ATF2: variants seen among roughly 807,000 people sequenced by gnomAD.
ATF2 encodes the protein activating transcription factor 2.
A neutral mutation model predicts 60.6 loss-of-function variants in ATF2; 24 were observed. The ratio of observed to expected loss-of-function variants is 0.40; its 90% CI spans 0.29 to 0.56. ATF2 has a LOEUF of 0.56. Among genes scored for constraint, ATF2 ranks in the 20% least tolerant of loss-of-function variants. The probability of loss-of-function intolerance (pLI) is 0.54; values close to 1 mark genes in which losing one functional copy is unlikely to be tolerated. For missense variants in ATF2, 433 were observed against 607.7 expected, an observed-to-expected ratio of 0.71 and a Z score of 3.02; for synonymous variants, 206 against 215.4, an observed-to-expected ratio of 0.96 and a Z score of 0.38.
chr2:175,156,615 T>C (rs1699704798), intron 1 of ATF2, among the ~76,000 whole-genome samples: 1 of 151,800 alleles, frequency 6.6e-6, no homozygotes, highest in Non-Finnish European at 1.5e-5. Context: ...AGACCAGCCC[T>C]TGGCTCATAG....
intron 4 of ATF2, among the ~76,000 whole-genome samples, chr2:175,127,835 C>T (rs764523038): frequency 2.2e-4 from 33 of 152,044 alleles, no homozygotes; most frequent in Non-Finnish European, 4.4e-4. Context: ...CCTGATAACT[C>T]CTATGTTTAC....
At chr2:175,133,281 G>T (rs914110540) in intron 3 of ATF2, among the ~76,000 whole-genome samples, 7 of 152,022 alleles carry the variant, frequency 4.6e-5, no homozygotes, top group African/African-American at 9.7e-5. Context: ...AGACACTGTG[G>T]TATCAGTCCA....
At chr2:175,138,281 T>C (rs191430942) in intron 2 of ATF2, among the ~76,000 whole-genome samples, 4 of 152,346 alleles carry the variant, frequency 2.6e-5, no homozygotes, top group East Asian at 3.9e-4. Flanking sequence ...TGAGTACTTC[T>C]TGCTAGATGC....
intron 1 of ATF2, 125 bp downstream of exon 1, chr2:175,167,925 G>A (rs1200525308): frequency 5.6e-6 from 2 of 359,720 alleles, no homozygotes; most frequent in Non-Finnish European, 1.1e-5. Flanking sequence ...AGCACGTCAG[G>A]AGCACCCGAG....
chr2:175,083,201 C>T (rs372854843), intron 12 of ATF2, among the ~76,000 whole-genome samples: 2 of 151,804 alleles, frequency 1.3e-5, no homozygotes, highest in Non-Finnish European at 1.5e-5. Flanking sequence ...CAATCCTAAG[C>T]CAAAAGAACA....
intron 11 of ATF2, among the ~76,000 whole-genome samples, chr2:175,095,878 C>CA (rs1694902789): frequency 6.6e-6 from 1 of 152,162 alleles, no homozygotes; most frequent in African/African-American, 2.4e-5. Flanking sequence ...GCAGACCACA[C>CA]AAAAACACCC....
chr2:175,152,796 T>C (rs923325225), intron 1 of ATF2, among the ~76,000 whole-genome samples: 1 of 152,184 alleles, frequency 6.6e-6, no homozygotes, highest in African/African-American at 2.4e-5. Context: ...ACCCAAATAG[T>C]ATATTCAGCC....
chr2:175,133,301 A>G (rs547257578), intron 3 of ATF2, among the ~76,000 whole-genome samples: 9 of 152,276 alleles, frequency 5.9e-5, no homozygotes, highest in Admixed American at 4.6e-4. Context: ...AATGATAAAC[A>G]TACAAAGAAA....
Position 175,103,677 on chromosome 2 carries a change from T to TA in ATF2, c.829-6085dup, listed in dbSNP as rs75197426. On this transcript the variant is annotated intron_variant, in intron 10 of 13. Coordinates refer to ENST00000264110, the MANE Select transcript of ATF2 (RefSeq NM_001880.4). ...ATATTTCTCAGTTTGTCACACATCT[T>TA]AAAAAAAAAAAAAAAAAAGATTCTG... 9.7e-3 allele frequency among the ~76,000 whole-genome samples: 1,255 copies of TA among 129,872 alleles called. 8 individuals are homozygous for TA. Among genetic ancestry groups the TA allele is most frequent in the South Asian group, 0.013 (52 of 3,972 alleles). 85.2% of individuals were successfully genotyped at this position (129,872 alleles called of 152,430 possible).
chr2:175,130,274 C>A (rs1394148064), intron 3 of ATF2, 67 bp from the exon 4 acceptor site: 2 of 1,076,998 alleles, frequency 1.9e-6, no homozygotes, highest in East Asian at 2.9e-5. Flanking sequence ...AAATATAAAT[C>A]TCAAGATTTT....
In ATF2 at chr2:175,093,226, A is replaced by G; in HGVS notation, c.1020T>C (p.Ser340=). 2 of 1,614,040 alleles carry G rather than the reference A, an allele frequency of 1.2e-6. No individual in the cohort carries two copies. The highest frequency in any genetic ancestry group is 2.7e-5 in the African/African-American group (2 of 75,028). ...CGTTAGCTGCTCTTCTCCGACGACC[A>G]CTTGTACTTTGGGTCTGTGGAGTTG... ...AHTTPQTQST[S]GRRRRAANED... is the part of the protein sequence containing the mutation. The change falls in exon 12 of 14, where the codon AGT becomes AGC. Residue 340 remains serine (S), a synonymous_variant. Coordinates refer to ENST00000264110, the MANE Select transcript of ATF2 (RefSeq NM_001880.4).
chr2:175,160,894 T>C (rs1699986612), intron 1 of ATF2, among the ~76,000 whole-genome samples: 1 of 151,950 alleles, frequency 6.6e-6, no homozygotes, highest in South Asian at 2.1e-4. Flanking sequence ...AAAAACTAGC[T>C]GAGTGTGGTG....
chr2:175,116,774 T>G (rs1696603124), intron 7 of ATF2, among the ~76,000 whole-genome samples: 1 of 151,956 alleles, frequency 6.6e-6, no homozygotes, highest in Non-Finnish European at 1.5e-5. Context: ...GAAAAACTGT[T>G]AAGTGTGAAA....
chr2:175,088,872 T>C (rs1219935229), intron 12 of ATF2, among the ~76,000 whole-genome samples: 2 of 152,008 alleles, frequency 1.3e-5, no homozygotes, highest in Admixed American at 1.3e-4. Context: ...ATTAACAAAA[T>C]AGATATTACT....
At chr2:175,119,659 C>T (rs1396483066) in intron 5 of ATF2, among the ~76,000 whole-genome samples, 1 of 151,422 alleles carries the variant, frequency 6.6e-6, no homozygotes, top group East Asian at 1.9e-4. Flanking sequence ...TTAATTCCCA[C>T]CTCCCAAAAG....
chr2:175,132,053 A>G lies in ATF2; in HGVS notation c.33-1846T>C, dbSNP rs10181030. On this transcript the variant is annotated intron_variant, in intron 3 of 13. Transcript: ENST00000264110. ...GAGTATAACACAGCTGAATTCTCCT[A>G]TGTGCTTCTGGTATTCAACCTGTTG... Among the ~76,000 whole-genome samples the G allele has an allele frequency of 1.8e-3, 268 of 152,308 alleles. 2 individuals are homozygous for G. Among genetic ancestry groups the G allele is most frequent in the African/African-American group, 5.8e-3 (240 of 41,582 alleles).
At chr2:175,132,766 A>G (rs1383173297) in intron 3 of ATF2, 4 of 152,216 alleles carry the variant, frequency 2.6e-5, no homozygotes, top group Admixed American at 1.3e-4. Context: ...ATCTTTAAAT[A>G]GATACAAACC....
chr2:175,093,242 T>G lies in ATF2; in HGVS notation c.1004A>C (p.Gln335Pro). The G allele has an allele frequency of 6.2e-7, 1 of 1,614,084 alleles. No homozygotes were observed. Among genetic ancestry groups the G allele is most frequent in the Non-Finnish European group, 8.5e-7 (1 of 1,180,008 alleles). ...TPASPAHTTP[Q>P]TQSTSGRRRR... ...CCGACGACCACTTGTACTTTGGGTC[T>G]GTGGAGTTGTGTGAGCTGGAGAAGC... The change falls in exon 12 of 14, where the codon CAG becomes CCG. Residue 335 changes from glutamine to proline, a missense_variant. This residue lies in a region of ATF2 where 246 missense variants were observed against 309.3 expected (regional missense o/e 0.80). Coordinates refer to ENST00000264110, the MANE Select transcript of ATF2 (RefSeq NM_001880.4).
At chr2:175,153,402 G>A (rs1389535759) in intron 1 of ATF2, among the ~76,000 whole-genome samples, 1 of 152,186 alleles carries the variant, frequency 6.6e-6, no homozygotes, top group African/African-American at 2.4e-5. Context: ...AAACCTTGAT[G>A]ATATAGCCTA....
Sources: allele counts gnomAD v4.1 joint callset (sites outside exome capture counted in the v4.1 genomes callset), GRCh38; gene constraint gnomAD v4.1.1; regional missense constraint gnomAD v4.1.1; transcripts MANE v1.5; gene names NCBI Gene and HGNC (gene_info 2026-07-23, HGNC 2026-07-21).